The following LRRC37A3 variants were observed in gnomAD, a reference collection of about 807,000 sequenced individuals.
The protein encoded by LRRC37A3 is leucine rich repeat containing 37 member A3, also known as leucine-rich repeat-containing protein 37A3.
In LRRC37A3, 25 loss-of-function variants were observed where a neutral mutation model predicts 106.2. The ratio of observed to expected loss-of-function variants is 0.24; its 90% confidence interval spans 0.17 to 0.33. The LOEUF is 0.33. Among genes scored for constraint, LRRC37A3 ranks in the 10% least tolerant of loss-of-function variants. The probability of loss-of-function intolerance (pLI) is 1.00; values close to 1 mark genes in which losing one functional copy is unlikely to be tolerated. For synonymous variants in LRRC37A3, 305 were observed against 635.8 expected, an observed-to-expected ratio of 0.48 and a Z score of 7.83; for missense variants, 712 against 1,644.9, an observed-to-expected ratio of 0.43 and a Z score of 9.81.
Position 64,895,525 on chromosome 17 carries a change from ACTTT to A in LRRC37A3, c.1729_1732del (p.Lys577LeufsTer11). ...TTGATATACTCGAAGTTGGGGTACA[ACTTT>A]CTTAGGAGGCTGAGTTGGGGTCTCC... On this transcript the variant is annotated frameshift_variant, in exon 4 of 15. Transcript: ENST00000584306. LOFTEE classifies it high-confidence loss of function. 2.5e-6 allele frequency: 2 copies of A among 812,800 alleles called. No individual in the cohort carries two copies. Among genetic ancestry groups the A allele is most frequent in the South Asian group, 1.3e-5 (1 of 76,536 alleles). 50.3% of individuals were successfully genotyped at this position (812,800 alleles called of 1,614,324 possible).
intron 2 of LRRC37A3, chr17:64,909,690 A>T (rs1380240268): frequency 5.2e-5 from 8 of 152,402 alleles, no homozygotes; most frequent in Admixed American, 3.9e-4. Context: ...AGCAAAAAAG[A>T]TGCCTCAGGA....
rs373463937 is a variant in LRRC37A3, at chr17:64,858,766, T to C, written c.4809+13A>G. The C allele has an allele frequency of 9.8e-5, 155 of 1,584,212 alleles. No individual in the cohort carries two copies. Among genetic ancestry groups the C allele is most frequent in the Non-Finnish European group, 1.2e-4 (143 of 1,153,342 alleles). On this transcript the variant is annotated intron_variant, in intron 13 of 14. Transcript: ENST00000584306. ...ACTGCATTCTGAAAACCTGAATTAATTATTGTCCTTACCTCAATGAGGCAG... is the reference window on the plus strand; with the variant it reads ...ACTGCATTCTGAAAACCTGAATTAACTATTGTCCTTACCTCAATGAGGCAG...
At chr17:64,871,957 C>T (rs1598404988) in intron 8 of LRRC37A3, among the ~76,000 whole-genome samples, 1 of 151,790 alleles carries the variant, frequency 6.6e-6, no homozygotes, top group African/African-American at 2.4e-5. Context: ...CAAGGCGAAA[C>T]CCCGTCTGTA....
chr17:64,860,929 C>T lies in LRRC37A3; in HGVS notation c.3217G>A (p.Val1073Met), dbSNP rs773718001. ...VGNPEGAFMK[V>M]LQARKNYTST... Reference sequence around the variant, plus strand: ...GTGTAATTCTTCCGGGCTTGTAACACCTTCATGAACGCTCCTTCTGGATTC... The same window carrying T: ...GTGTAATTCTTCCGGGCTTGTAACATCTTCATGAACGCTCCTTCTGGATTC... The change falls in exon 12 of 15, where the codon GTG (valine) becomes ATG (methionine). Residue 1073 changes from valine (V) to methionine (M), a missense_variant. Transcript: ENST00000584306. 6.8e-6 allele frequency: 11 copies of T among 1,614,042 alleles called. No individual in the cohort carries two copies. Among genetic ancestry groups the T allele is most frequent in the East Asian group, 2.2e-5 (1 of 44,872 alleles).
At chr17:64,866,555 C>T (rs1263556601) in intron 10 of LRRC37A3, among the ~76,000 whole-genome samples, 7 of 107,954 alleles carry the variant, frequency 6.5e-5, no homozygotes, top group African/African-American at 3.0e-4. Context: ...CATATATACA[C>T]GTACATATAT....
intron 2 of LRRC37A3, among the ~76,000 whole-genome samples, chr17:64,915,180 T>C (rs1431551081): frequency 6.6e-6 from 1 of 152,062 alleles, no homozygotes; most frequent in Non-Finnish European, 1.5e-5. Context: ...GATACCCTAA[T>C]TAACCTGATT....
intron 11 of LRRC37A3, among the ~76,000 whole-genome samples, chr17:64,861,971 C>T (rs868774405): frequency 6.6e-6 from 1 of 152,018 alleles, no homozygotes. Context: ...GGGGAGAACC[C>T]AGAATTGGGG....
chr17:64,857,554 G>T (rs557440118), intron 13 of LRRC37A3, among the ~76,000 whole-genome samples: 1 of 151,842 alleles, frequency 6.6e-6, no homozygotes, highest in South Asian at 2.1e-4. Flanking sequence ...GCAGTGGTAC[G>T]ACCACAGCTC....
At position 64,918,872 on chromosome 17, in the gene LRRC37A3, T is replaced by C. The variant is rs1974764185; in HGVS notation, c.-616-2A>G. ...CAACACGGTGAAACTCCATCTCTAC[T>C]AAAAAATACAAAAAATTAGCTGGGT... On this transcript the variant is annotated splice_acceptor_variant, in intron 1 of 14. Transcript: ENST00000584306. LOFTEE classifies it low-confidence loss of function (5UTR_SPLICE). The C allele has an allele frequency of 1.9e-6, 1 of 515,536 alleles. No individual in the cohort carries two copies. The highest frequency in any genetic ancestry group is 3.0e-6 in the Non-Finnish European group (1 of 328,842). The allele number at this position is 515,536 out of a possible 1,614,324, so 31.9% of individuals were successfully genotyped here. A position where few individuals can be genotyped will look rare whatever the true frequency, so the allele number is the denominator to read the frequency against.
At chr17:64,861,026 C>T (rs958966981) in intron 11 of LRRC37A3, 53 bp from the exon 12 acceptor site, 15 of 1,611,500 alleles carry the variant, frequency 9.3e-6, no homozygotes, top group Admixed American at 1.7e-5. Flanking sequence ...GGATGGGATG[C>T]ATCAGTCCAT....
At chr17:64,901,197 T>A (rs1338369923) in intron 2 of LRRC37A3, 2 of 150,738 alleles carry the variant, frequency 1.3e-5, no homozygotes, top group Non-Finnish European at 2.9e-5. Flanking sequence ...AAATATCAAC[T>A]GTGTTTGGTT....
chr17:64,878,984 T>C (rs897953451), intron 8 of LRRC37A3, among the ~76,000 whole-genome samples: 14 of 152,178 alleles, frequency 9.2e-5, no homozygotes, highest in African/African-American at 3.4e-4. Context: ...TACAATGGAA[T>C]ATCACTCAGC....
chr17:64,899,419 CAAA>C (rs71215666), intron 2 of LRRC37A3, among the ~76,000 whole-genome samples: 426 of 100,126 alleles, frequency 4.3e-3, no homozygotes, highest in African/African-American at 0.02. Flanking sequence ...GACTCCATCT[CAAA>C]AAAAAAAAAA....
At chr17:64,893,904 G>A (rs1291147970) in intron 4 of LRRC37A3, among the ~76,000 whole-genome samples, 56 of 148,422 alleles carry the variant, frequency 3.8e-4, no homozygotes, top group Non-Finnish European at 7.5e-4. Context: ...CGCCCGCCTC[G>A]GCCTCCCAAA....
chr17:64,855,478 G>A (rs1236808873), intron 14 of LRRC37A3, among the ~76,000 whole-genome samples: 2 of 150,218 alleles, frequency 1.3e-5, no homozygotes, highest in Non-Finnish European at 2.9e-5. Context: ...GGGGACAGCA[G>A]GTGTGTCCTT....
At position 64,858,850 on chromosome 17, in the gene LRRC37A3, T is replaced by C; in HGVS notation, c.4738A>G (p.Lys1580Glu). 2 of 1,613,570 alleles carry C rather than the reference T, an allele frequency of 1.2e-6. No individual in the cohort carries two copies. The highest frequency in any genetic ancestry group is 1.1e-5 in the South Asian group (1 of 90,970). The change falls in exon 13 of 15, where the codon AAA (lysine) becomes GAA (glutamate). Residue 1580 changes from lysine to glutamate, a missense_variant. Lys to Glu is a moderately conservative substitution (Grantham distance 56, BLOSUM62 1). Coordinates refer to ENST00000584306, the MANE Select transcript of LRRC37A3 (RefSeq NM_199340.5). ...TKELPGYGYT[K>E]KLILALIVTG... ...ACAATTAACGCCAAGATGAGTTTTT[T>C]GGTATAGCCATATCCTGGAAGTTCT...
At chr17:64,870,351 GAATA>G (rs1973271631) in intron 8 of LRRC37A3, among the ~76,000 whole-genome samples, 1 of 152,032 alleles carries the variant, frequency 6.6e-6, no homozygotes, top group Non-Finnish European at 1.5e-5. Flanking sequence ...TCAATAAAAT[GAATA>G]AATTGATTTT....
intron 2 of LRRC37A3, among the ~76,000 whole-genome samples, chr17:64,913,039 T>G (rs1438605295): frequency 6.6e-6 from 1 of 151,056 alleles, no homozygotes; most frequent in Non-Finnish European, 1.5e-5. Flanking sequence ...TTTTTTTTTT[T>G]TTCCCCCGAG....
At chr17:64,859,231 C>T (rs572173162) in intron 12 of LRRC37A3, among the ~76,000 whole-genome samples, 51 of 152,128 alleles carry the variant, frequency 3.4e-4, no homozygotes, top group African/African-American at 2.9e-4. Context: ...AGATTACAGG[C>T]GTGAGCTACC....
Sources: allele counts gnomAD v4.1 joint callset (sites outside exome capture counted in the v4.1 genomes callset), GRCh38; gene constraint gnomAD v4.1.1; transcripts MANE v1.5; gene names NCBI Gene and HGNC (gene_info 2026-07-23, HGNC 2026-07-21).